Variants in PDE1C observed in about 807,000 individuals in gnomAD.
PDE1C encodes dual specificity calcium/calmodulin-dependent 3',5'-cyclic nucleotide phosphodiesterase 1C.
PDE1C carries 62 observed loss-of-function variants against 93.1 expected under a neutral mutation model. That is an observed-to-expected ratio of 0.67 (90% CI 0.54 to 0.82). The LOEUF is 0.82. PDE1C is among the 40% of genes least tolerant of loss of function. PDE1C has a pLI of 0.00. For synonymous variants in PDE1C, 325 were observed against 310.1 expected (o/e 1.05, Z -0.50); for missense variants, 742 against 884.6 (o/e 0.84, Z 2.04).
chr7:32,327,163 G>A (rs1344820771), intron 1 of PDE1C, among the ~76,000 whole-genome samples: 3 of 152,070 alleles, frequency 2.0e-5, no homozygotes, highest in Non-Finnish European at 2.9e-5. Context: ...TGACTGCCTC[G>A]ACTGCTATTG....
intron 3 of PDE1C, among the ~76,000 whole-genome samples, chr7:32,077,070 T>C (rs1234164246): frequency 6.6e-6 from 1 of 151,906 alleles, no homozygotes; most frequent in African/African-American, 2.4e-5. Flanking sequence ...TGTAACCCAA[T>C]CTCTACTAAA....
At chr7:32,090,997 C>T (rs1048754763) in intron 3 of PDE1C, among the ~76,000 whole-genome samples, 30 of 152,324 alleles carry the variant, frequency 2.0e-4, no homozygotes, top group Admixed American at 5.2e-4. Context: ...TTAATGAGCA[C>T]CAAATATATG....
chr7:31,787,378 C>T (rs896415530), intron 16 of PDE1C: 1 of 152,140 alleles, frequency 6.6e-6, no homozygotes, highest in Admixed American at 6.6e-5. Context: ...AAATGAGTCT[C>T]TTGTCTGCTG....
intron 1 of PDE1C, among the ~76,000 whole-genome samples, chr7:32,336,874 A>G (rs1783636313): frequency 6.6e-6 from 1 of 152,218 alleles, no homozygotes; most frequent in Non-Finnish European, 1.5e-5. Flanking sequence ...CTTAGCTGAC[A>G]GTATTTCAAC....
At chr7:32,197,641 G>A (rs564890834) in intron 2 of PDE1C, among the ~76,000 whole-genome samples, 3 of 152,272 alleles carry the variant, frequency 2.0e-5, no homozygotes, top group East Asian at 3.9e-4. Flanking sequence ...GCTTACACAT[G>A]TTACAACATG....
chr7:32,114,597 C>T (rs1282713323), intron 3 of PDE1C, among the ~76,000 whole-genome samples: 1 of 152,106 alleles, frequency 6.6e-6, no homozygotes, highest in Non-Finnish European at 1.5e-5. Context: ...GCAATTGCAA[C>T]AAAAGCTAAA....
At chr7:32,023,199 G>A (rs12531237) in intron 2 of PDE1C, among the ~76,000 whole-genome samples, 23,002 of 151,834 alleles carry the variant, frequency 0.15, 2,502 homozygotes, top group East Asian at 0.32. Context: ...AGAATAAGAC[G>A]GATAGAACAA....
chr7:32,065,989 G>C (rs945052300), intron 1 of PDE1C, among the ~76,000 whole-genome samples: 4 of 152,216 alleles, frequency 2.6e-5, no homozygotes, highest in African/African-American at 9.6e-5. Context: ...TTCCCACTCC[G>C]TGTTTTCTGC....
At chr7:32,368,479 A>G (rs927127570) in intron 1 of PDE1C, among the ~76,000 whole-genome samples, 4 of 152,152 alleles carry the variant, frequency 2.6e-5, no homozygotes, top group African/African-American at 9.7e-5. Flanking sequence ...AAAAACTATA[A>G]AACACTAATG....
chr7:32,002,527 A>C (rs1785608942), intron 2 of PDE1C, among the ~76,000 whole-genome samples: 1 of 152,196 alleles, frequency 6.6e-6, no homozygotes, highest in African/African-American at 2.4e-5. Context: ...GGATTAAATG[A>C]GAGTATAGGT....
At chr7:32,053,055 A>G (rs1388836418) in intron 1 of PDE1C, among the ~76,000 whole-genome samples, 2 of 152,176 alleles carry the variant, frequency 1.3e-5, no homozygotes, top group African/African-American at 4.8e-5. Context: ...ATAGGGAGGA[A>G]AGTTGACTAA....
chr7:32,109,844 G>A (rs1276020418), intron 3 of PDE1C, among the ~76,000 whole-genome samples: 1 of 152,032 alleles, frequency 6.6e-6, no homozygotes, highest in African/African-American at 2.4e-5. Flanking sequence ...CATGGCATAA[G>A]CATAGGTTTT....
At chr7:32,137,088 C>A (rs1800251679) in intron 3 of PDE1C, among the ~76,000 whole-genome samples, 1 of 152,100 alleles carries the variant, frequency 6.6e-6, no homozygotes, top group African/African-American at 2.4e-5. Flanking sequence ...ATGTAGTTAT[C>A]CAGATGGAGC....
intron 2 of PDE1C, among the ~76,000 whole-genome samples, chr7:31,944,561 T>C (rs924721055): frequency 1.3e-5 from 2 of 152,176 alleles, no homozygotes; most frequent in African/African-American, 4.8e-5. Context: ...GCCTGATGGG[T>C]GTTCTGTTCC....
chr7:31,786,964 CT>C (rs1784065201), intron 16 of PDE1C: 1 of 149,352 alleles, frequency 6.7e-6, no homozygotes, highest in Admixed American at 6.6e-5. Context: ...TATCATCTAT[CT>C]ATCTATCTAT....
rs1270691771 is a variant in PDE1C at position 31,905,365 on chromosome 7, TA to T, written c.129-24506del. Reference sequence around the variant, plus strand: ...CTTCCTGAAAAACAAAATACTGGATTAAAAAAAATGTTATGCCATCTATTTT... The same window carrying T: ...CTTCCTGAAAAACAAAATACTGGATTAAAAAAATGTTATGCCATCTATTTT... On this transcript the variant is annotated intron_variant, in intron 2 of 17. Transcript: ENST00000396191. 2.0e-4 allele frequency among the ~76,000 whole-genome samples: 31 copies of T among 151,988 alleles called. No homozygotes were observed. In the East Asian group the frequency reaches 5.8e-3, roughly 28 times the overall value.
chr7:31,658,245 T>C, the PDE1C span: 3 of 1,480,782 alleles, frequency 2.0e-6, no homozygotes, highest in Non-Finnish European at 2.7e-6. Context: ...TTAGGTTTTG[T>C]TTATTTAACA....
chr7:32,367,242 A>C (rs1784245941), intron 1 of PDE1C, among the ~76,000 whole-genome samples: 3 of 152,182 alleles, frequency 2.0e-5, no homozygotes, highest in African/African-American at 4.8e-5. Flanking sequence ...AAACTATAAA[A>C]CTCACTGGTA....
intron 2 of PDE1C, among the ~76,000 whole-genome samples, chr7:32,189,231 C>CTTTAA (rs1584930554): frequency 6.6e-6 from 1 of 152,164 alleles, no homozygotes; most frequent in African/African-American, 2.4e-5. Flanking sequence ...TAAAGGGAGA[C>CTTTAA]TGTTTTGAAG....
Sources: allele counts gnomAD v4.1 joint callset (sites outside exome capture counted in the v4.1 genomes callset), GRCh38; gene constraint gnomAD v4.1.1; transcripts MANE v1.5; gene names NCBI Gene and HGNC (gene_info 2026-07-23, HGNC 2026-07-21).